The following DCK variants were observed in gnomAD, a reference collection of about 807,000 sequenced individuals.
The protein encoded by DCK is deoxycytidine kinase.
Under a neutral mutation model 38.3 loss-of-function variants are expected in DCK, and 23 were observed. The ratio of observed to expected loss-of-function variants is 0.60; its 90% CI spans 0.43 to 0.85. The LOEUF is 0.85. Among genes scored for constraint, DCK ranks in the 40% least tolerant of loss-of-function variants. DCK has a pLI of 0.00. For synonymous variants in DCK, 108 were observed against 100.6 expected, an observed-to-expected ratio of 1.07 and a Z score of -0.44; for missense variants, 259 against 304.4, an observed-to-expected ratio of 0.85 and a Z score of 1.11.
intron 2 of DCK, among the ~76,000 whole-genome samples, chr4:71,017,429 G>C (rs1340617065): frequency 1.3e-5 from 2 of 152,082 alleles, no homozygotes; most frequent in Non-Finnish European, 2.9e-5. Flanking sequence ...CCATTAGTGG[G>C]TATATACCCA....
chr4:71,015,992 T>A (rs1740252407), intron 2 of DCK, among the ~76,000 whole-genome samples: 1 of 152,180 alleles, frequency 6.6e-6, no homozygotes, highest in Admixed American at 6.5e-5. Flanking sequence ...GAAGTCAAAT[T>A]GTCCCTGTTT....
At position 71,006,909 on chromosome 4, in the gene DCK, G is replaced by A. The variant is rs1435133301; in HGVS notation, c.207+8727G>A. Among the ~76,000 whole-genome samples the A allele has an allele frequency of 3.3e-5, 5 of 152,094 alleles. No individual in the cohort carries two copies. In the East Asian group the frequency reaches 9.6e-4, roughly 29 times the overall value. ...AGGAGTACAGAAAATTGAAAAAAAA[G>A]TATCTAAAAAAATTTAGCTGTTGGT... On this transcript the variant is annotated intron_variant, in intron 2 of 6. Coordinates refer to ENST00000286648, the MANE Select transcript of DCK (RefSeq NM_000788.3).
chr4:71,015,031 A>G (rs1441628619), intron 2 of DCK, among the ~76,000 whole-genome samples: 1 of 152,226 alleles, frequency 6.6e-6, no homozygotes, highest in Non-Finnish European at 1.5e-5. Context: ...TAGCAAGACT[A>G]ATAAAGAAGA....
chr4:71,027,337 A>G (rs1740568555), intron 6 of DCK, among the ~76,000 whole-genome samples: 1 of 152,130 alleles, frequency 6.6e-6, no homozygotes, highest in South Asian at 2.1e-4. Flanking sequence ...TTACTTAATC[A>G]TTGAGTCATT....
Position 71,022,475 on chromosome 4 carries a change from A to C in DCK, c.316A>C (p.Arg106=), listed in dbSNP as rs1376096423. The C allele has an allele frequency of 6.2e-7, 1 of 1,610,576 alleles. No homozygotes were observed. Among genetic ancestry groups the C allele is most frequent in the South Asian group, 1.1e-5 (1 of 90,200 alleles). The change falls in exon 3 of 7, where the codon AGA becomes CGA. Residue 106 remains arginine (R), a synonymous_variant. Coordinates refer to ENST00000286648, the MANE Select transcript of DCK (RefSeq NM_000788.3). The part of the protein sequence containing the change: ...FQTYACLSRI[R]AQLASLNGKL... ...AACATATGCCTGTCTCAGTCGAATA[A>C]GAGCTCAGCTTGCCTCTCTGAATGG...
chr4:71,007,434 C>T (rs931819645), intron 2 of DCK, among the ~76,000 whole-genome samples: 2 of 152,174 alleles, frequency 1.3e-5, no homozygotes, highest in African/African-American at 4.8e-5. Context: ...TTCGCCTTCT[C>T]CAATCACTAT....
chr4:71,003,808 G>A (rs2148913302), intron 2 of DCK, among the ~76,000 whole-genome samples: 1 of 152,238 alleles, frequency 6.6e-6, no homozygotes, highest in African/African-American at 2.4e-5. Flanking sequence ...GCTCCATCAG[G>A]TCATTTATGT....
intron 2 of DCK, chr4:71,006,312 G>A: frequency 1.0e-6 from 1 of 961,294 alleles, no homozygotes; most frequent in Non-Finnish European, 1.2e-6. Context: ...CTGCAAATGA[G>A]GAAGAAAGAG....
chr4:71,023,513 G>GTT, intron 3 of DCK, 46 bp from the exon 4 acceptor site: 4 of 1,212,090 alleles, frequency 3.3e-6, no homozygotes, highest in Non-Finnish European at 4.6e-6. Flanking sequence ...TTTCTTTGTT[G>GTT]TTTTTTTTTG....
intron 3 of DCK, 55 bp downstream of exon 3, chr4:71,022,615 C>CTTT: frequency 2.5e-4 from 179 of 728,266 alleles, no homozygotes; most frequent in Non-Finnish European, 3.0e-4. Flanking sequence ...TAGAACTGGA[C>CTTT]TTTTTTTTTT....
chr4:71,025,704 A>C, intron 4 of DCK, 112 bp from the exon 5 acceptor site: 249 of 1,307,434 alleles, frequency 1.9e-4, no homozygotes, highest in Non-Finnish European at 2.2e-4. Context: ...AGTAATAAGT[A>C]GAGATTTTGG....
intron 4 of DCK, among the ~76,000 whole-genome samples, chr4:71,025,272 C>T (rs1172300877): frequency 1.3e-5 from 2 of 151,996 alleles, no homozygotes; most frequent in African/African-American, 2.4e-5. Flanking sequence ...CCACACTAGC[C>T]ATATTTCAAG....
Position 71,022,519 on chromosome 4 carries a change from G to A in DCK, c.360G>A (p.Glu120=). 1 of 1,599,076 alleles carries A rather than the reference G, an allele frequency of 6.3e-7. No individual in the cohort carries two copies. Among genetic ancestry groups the A allele is most frequent in the South Asian group, 1.1e-5 (1 of 87,924 alleles). Residue 120 remains glutamate (E), a synonymous_variant, in exon 3 of 7, where the codon GAG becomes GAA. Transcript: ENST00000286648. ...ASLNGKLKDA[E]KPVLFFERSV... ...TGAATGGCAAGCTCAAAGATGCAGA[G>A]AAACCTGTATTATTTTTTGAACGAT...
rs1472739821 is a variant in DCK at position 70,994,032 on chromosome 4, T to A, written c.91+106T>A. The A allele has an allele frequency of 3.6e-6, 3 of 842,706 alleles. No homozygotes were observed. In the African/African-American group the frequency reaches 5.1e-5, roughly 14 times the overall value. The allele number at this position is 842,706 out of a possible 1,614,324, so 52.2% of individuals were successfully genotyped here. On this transcript the variant is annotated intron_variant, in intron 1 of 6. Coordinates refer to ENST00000286648, the MANE Select transcript of DCK (RefSeq NM_000788.3). ...GCAGCAACTCGGTGAGGGCTTTCCC[T>A]CCAGCCTGGCGGTGTGGACGCGGCC...
At position 71,029,375 on chromosome 4, in the gene DCK, G is replaced by A; in HGVS notation, c.780G>A (p.Leu260=). The A allele has an allele frequency of 6.2e-7, 1 of 1,608,044 alleles. No homozygotes were observed. ...AGGTCAAAGAGTTTTTGAGTACTTT[G>A]TGATCTTGCTGAAGACTACAGGCAG... ...VEKVKEFLST[L] Residue 260 remains leucine (L), a synonymous_variant, in exon 7 of 7, where the codon TTG becomes TTA. Transcript: ENST00000286648.
intron 2 of DCK, among the ~76,000 whole-genome samples, chr4:71,013,619 A>G (rs1479132509): frequency 2.0e-5 from 3 of 152,296 alleles, no homozygotes; most frequent in East Asian, 3.9e-4. Context: ...ATTCTTAAAG[A>G]AACGAATTTG....
At chr4:71,004,106 G>C (rs1739877685) in intron 2 of DCK, among the ~76,000 whole-genome samples, 1 of 152,180 alleles carries the variant, frequency 6.6e-6, no homozygotes, top group Non-Finnish European at 1.5e-5. Context: ...ATCTACCTTT[G>C]GTCTTTGATG....
At chr4:71,002,103 C>A (rs1335714872) in intron 2 of DCK, among the ~76,000 whole-genome samples, 1 of 152,170 alleles carries the variant, frequency 6.6e-6, no homozygotes, top group African/African-American at 2.4e-5. Flanking sequence ...CTCATGTGGG[C>A]ACTTAGTGCT....
chr4:71,018,482 T>C (rs1740330552), intron 2 of DCK, among the ~76,000 whole-genome samples: 1 of 151,996 alleles, frequency 6.6e-6, no homozygotes, highest in African/African-American at 2.4e-5. Context: ...GGCCAAAAGG[T>C]ACAGGTTTTT....
Sources: allele counts gnomAD v4.1 joint callset (sites outside exome capture counted in the v4.1 genomes callset), GRCh38; gene constraint gnomAD v4.1.1; transcripts MANE v1.5; gene names NCBI Gene and HGNC (gene_info 2026-07-23, HGNC 2026-07-21).